Variants in ARHGAP26 observed in about 807,000 individuals in gnomAD.
ARHGAP26 encodes the protein Rho GTPase activating protein 26.
Under a neutral mutation model 104.8 loss-of-function variants are expected in ARHGAP26, and 38 were observed. That is an observed-to-expected ratio of 0.36 (90% CI 0.28 to 0.48). The LOEUF (loss-of-function observed/expected upper bound fraction) is 0.48, where lower values mean the gene tolerates loss of function less well. Ranked by LOEUF, ARHGAP26 falls within the 20% of genes least tolerant of loss-of-function variation. ARHGAP26 has a pLI of 0.99. For synonymous variants in ARHGAP26, 341 were observed against 340.0 expected, an observed-to-expected ratio of 1.00 and a Z score of -0.03; for missense variants, 704 against 947.9, an observed-to-expected ratio of 0.74 and a Z score of 3.38.
chr5:143,134,520 C>T (rs1162584929), intron 19 of ARHGAP26, among the ~76,000 whole-genome samples: 1 of 152,158 alleles, frequency 6.6e-6, no homozygotes, highest in African/African-American at 2.4e-5. Flanking sequence ...TAGAATGTGA[C>T]TCTGTGAGGG....
intron 22 of ARHGAP26, among the ~76,000 whole-genome samples, chr5:143,214,806 T>A (rs559119437): frequency 1.1e-4 from 16 of 152,362 alleles, no homozygotes; most frequent in African/African-American, 3.8e-4. Flanking sequence ...CTTGGCCTTC[T>A]GGGTCAGCAG....
Position 143,224,513 on chromosome 5 carries a change from C to T in ARHGAP26, c.*2067C>T, listed in dbSNP as rs750827516. 22 of 230,362 alleles carry T rather than the reference C, an allele frequency of 9.6e-5. No homozygotes were observed. Among genetic ancestry groups the T allele is most frequent in the Non-Finnish European group, 1.4e-4 (16 of 116,300 alleles). 14.3% of individuals were successfully genotyped at this position (230,362 alleles called of 1,614,324 possible). A position where few individuals can be genotyped will look rare whatever the true frequency, so the allele number is the denominator to read the frequency against. On this transcript the variant is annotated 3_prime_UTR_variant, in exon 23 of 23. Coordinates refer to ENST00000645722, the MANE Select transcript of ARHGAP26 (RefSeq NM_001135608.3). ...ATTTAAATAAGTGGGGTCAGGCATT[C>T]GAGTTTTTGTCTTTCTTCTCAGGTG...
At chr5:142,998,352 G>A (rs551189683) in intron 11 of ARHGAP26, among the ~76,000 whole-genome samples, 10 of 152,268 alleles carry the variant, frequency 6.6e-5, no homozygotes, top group African/African-American at 1.2e-4. Flanking sequence ...TATCAAGCAC[G>A]ATAGGAAAGG....
At chr5:142,957,588 C>T (rs956725159) in intron 11 of ARHGAP26, among the ~76,000 whole-genome samples, 1 of 152,170 alleles carries the variant, frequency 6.6e-6, no homozygotes, top group African/African-American at 2.4e-5. Flanking sequence ...ATTTCTAGAT[C>T]CTCCTCCCTA....
chr5:143,058,431 T>C (rs1317351298), intron 17 of ARHGAP26, among the ~76,000 whole-genome samples: 1 of 152,274 alleles, frequency 6.6e-6, no homozygotes, highest in African/African-American at 2.4e-5. Flanking sequence ...TATTTGTGTA[T>C]TTACTGTTCC....
At chr5:143,074,821 C>T (rs13340374) in intron 17 of ARHGAP26, among the ~76,000 whole-genome samples, 6,694 of 152,312 alleles carry the variant, frequency 0.044, 465 homozygotes, top group African/African-American at 0.13. Flanking sequence ...TGTTATATCA[C>T]ATGCCTACAG....
chr5:142,972,074 C>T (rs533446290), intron 11 of ARHGAP26, among the ~76,000 whole-genome samples: 4 of 151,960 alleles, frequency 2.6e-5, no homozygotes, highest in South Asian at 2.1e-4. Flanking sequence ...CCCAGCTACT[C>T]GGGAGGCTGG....
chr5:143,022,312 A>G (rs2152837813), intron 12 of ARHGAP26, among the ~76,000 whole-genome samples: 1 of 152,272 alleles, frequency 6.6e-6, no homozygotes, highest in African/African-American at 2.4e-5. Flanking sequence ...ACCTCAGGTG[A>G]TCCGCCTGCC....
intron 1 of ARHGAP26, among the ~76,000 whole-genome samples, chr5:142,783,722 AGG>A (rs1757977668): frequency 6.6e-6 from 1 of 152,226 alleles, no homozygotes; most frequent in African/African-American, 2.4e-5. Flanking sequence ...CTTTTAAAGC[AGG>A]GCTGGATGAC....
intron 12 of ARHGAP26, among the ~76,000 whole-genome samples, chr5:143,022,568 G>T (rs201227111): frequency 6.6e-6 from 1 of 152,206 alleles, no homozygotes; most frequent in Admixed American, 6.5e-5. Context: ...AACAGGCAAT[G>T]GTGAATTTGG....
chr5:143,091,670 T>G (rs1791452039), intron 17 of ARHGAP26, among the ~76,000 whole-genome samples: 1 of 152,250 alleles, frequency 6.6e-6, no homozygotes, highest in Non-Finnish European at 1.5e-5. Flanking sequence ...AGTTATCCAA[T>G]TTTAACATCT....
chr5:142,825,374 T>C (rs1037295839), intron 1 of ARHGAP26, among the ~76,000 whole-genome samples: 1 of 152,110 alleles, frequency 6.6e-6, no homozygotes, highest in Non-Finnish European at 1.5e-5. Flanking sequence ...TTCCATCCAC[T>C]GTTGGAGGGG....
chr5:143,133,986 A>G lies in ARHGAP26; in HGVS notation c.1718A>G (p.Asp573Gly), dbSNP rs1797644001. ...NHEKIFNTVP[D>G]MPLTNAQLHL... Reference sequence around the variant, plus strand: ...TTGCAGATATTTAACACCGTGCCCGATATGCCTCTCACCAATGCCCAGCTG... The same window carrying G: ...TTGCAGATATTTAACACCGTGCCCGGTATGCCTCTCACCAATGCCCAGCTG... Residue 573 changes from aspartate to glycine, a missense_variant, in exon 19 of 23, where the codon GAT becomes GGT. Transcript: ENST00000645722. 6.2e-7 allele frequency: 1 copy of G among 1,612,012 alleles called. No individual in the cohort carries two copies. The highest frequency in any genetic ancestry group is 8.5e-7 in the Non-Finnish European group (1 of 1,178,926).
In ARHGAP26 at chr5:143,146,723, C is replaced by T. The variant is rs80320505; in HGVS notation, c.1838-508C>T. 3.9e-3 allele frequency among the ~76,000 whole-genome samples: 587 copies of T among 152,292 alleles called. 3 individuals are homozygous for T. Among genetic ancestry groups the T allele is most frequent in the African/African-American group, 0.014 (572 of 41,554 alleles). On this transcript the variant is annotated intron_variant, in intron 19 of 22. Coordinates refer to ENST00000645722, the MANE Select transcript of ARHGAP26 (RefSeq NM_001135608.3). ...GGTCAGGAATTTAGACTGGTGGAGT[C>T]GTAAGGACATTGGTGGCTAAATAGT...
At chr5:142,961,168 T>C (rs1188541063) in intron 11 of ARHGAP26, among the ~76,000 whole-genome samples, 1 of 152,064 alleles carries the variant, frequency 6.6e-6, no homozygotes, top group African/African-American at 2.4e-5. Context: ...AGGCACACAG[T>C]AGAAAGCCAT....
At chr5:142,983,208 G>T (rs1774208390) in intron 11 of ARHGAP26, among the ~76,000 whole-genome samples, 1 of 150,416 alleles carries the variant, frequency 6.6e-6, no homozygotes, top group Non-Finnish European at 1.5e-5. Context: ...ATGCTATGCT[G>T]GTTCGTTGTT....
At chr5:143,195,268 A>G (rs929445079) in intron 20 of ARHGAP26, among the ~76,000 whole-genome samples, 1 of 152,208 alleles carries the variant, frequency 6.6e-6, no homozygotes, top group Non-Finnish European at 1.5e-5. Context: ...AGTCCTGAAC[A>G]TAGTGAAATA....
At chr5:143,045,284 C>G (rs1475592437) in intron 14 of ARHGAP26, among the ~76,000 whole-genome samples, 1 of 152,342 alleles carries the variant, frequency 6.6e-6, no homozygotes. Context: ...TACAGACAGA[C>G]TGGAATCTAA....
intron 10 of ARHGAP26, among the ~76,000 whole-genome samples, chr5:142,922,297 A>T (rs185803719): frequency 1.0e-3 from 156 of 152,282 alleles, no homozygotes; most frequent in African/African-American, 3.6e-3. Flanking sequence ...GGATCATCTT[A>T]TGTAACAGAC....
Sources: allele counts gnomAD v4.1 joint callset (sites outside exome capture counted in the v4.1 genomes callset), GRCh38; gene constraint gnomAD v4.1.1; transcripts MANE v1.5; gene names NCBI Gene and HGNC (gene_info 2026-07-23, HGNC 2026-07-21).